The following CFAP61 variants were observed in gnomAD, a reference collection of about 807,000 sequenced individuals.
CFAP61 encodes cilia and flagella associated protein 61, also known as cilia- and flagella-associated protein 61.
Under a neutral mutation model 135.6 loss-of-function variants are expected in CFAP61, and 107 were observed. That is an observed-to-expected ratio of 0.79 (90% CI 0.67 to 0.93). The LOEUF (loss-of-function observed/expected upper bound fraction) is 0.93. CFAP61 is among the 40% of genes least tolerant of loss of function. The pLI is 0.00. For synonymous variants in CFAP61, 575 were observed against 578.5 expected (o/e 0.99, Z 0.09); for missense variants, 1,507 against 1,556.2 (o/e 0.97, Z 0.53).
At chr20:20,309,845 A>C (rs569534061) in intron 25 of CFAP61, among the ~76,000 whole-genome samples, 5,171 of 148,538 alleles carry the variant, frequency 0.035, 130 homozygotes, top group Middle Eastern at 0.072. Flanking sequence ...TAAAAAAAAA[A>C]CAGAAATCAT....
chr20:20,283,081 A>T (rs1016778736), intron 22 of CFAP61, among the ~76,000 whole-genome samples: 1 of 152,232 alleles, frequency 6.6e-6, no homozygotes, highest in Non-Finnish European at 1.5e-5. Flanking sequence ...GTGATGTTCG[A>T]CGCTCATAAG....
chr20:20,103,589 T>C (rs1330985868), intron 8 of CFAP61, among the ~76,000 whole-genome samples: 1 of 152,186 alleles, frequency 6.6e-6, no homozygotes, highest in African/African-American at 2.4e-5. Context: ...CTGAATGAGA[T>C]GTAAGATCCC....
chr20:20,189,428 C>T lies in CFAP61; in HGVS notation c.1512+1372C>T, dbSNP rs144411820. Among the ~76,000 whole-genome samples, 405 of 148,374 alleles carry T rather than the reference C, an allele frequency of 2.7e-3. 2 individuals are homozygous for T. The Middle Eastern group carries it at 0.059, about 22-fold the overall frequency. ...TCTGCAAGGTAAAAACTGTTTTATTCCTTTTCCACTGTGTTGAGATCTGTA... is the reference window on the plus strand; with the variant it reads ...TCTGCAAGGTAAAAACTGTTTTATTTCTTTTCCACTGTGTTGAGATCTGTA... On this transcript the variant is annotated intron_variant, in intron 14 of 26. Transcript: ENST00000245957.
rs571939563 is a variant in CFAP61, at chr20:20,337,081, G to A, written c.3423-4750G>A. Among the ~76,000 whole-genome samples, 4 of 152,376 alleles carry A rather than the reference G, an allele frequency of 2.6e-5. 1 individual carries two copies. The South Asian group carries it at 8.3e-4, about 32-fold the overall frequency. On this transcript the variant is annotated intron_variant, in intron 25 of 26. Transcript: ENST00000245957. The stretch of plus-strand genomic sequence containing the variant: ...AAGCTCTGAAGACACCTGGGACAGA[G>A]AAGAGAGGGAGAAAAGTTTACGTGG...
chr20:20,057,635 T>G (rs1461730868), intron 2 of CFAP61, among the ~76,000 whole-genome samples: 6 of 152,192 alleles, frequency 3.9e-5, no homozygotes, highest in Non-Finnish European at 8.8e-5. Flanking sequence ...TAAAAGATCT[T>G]TTTTCTCTCT....
At chr20:20,226,640 C>T (rs2048753273) in intron 17 of CFAP61, among the ~76,000 whole-genome samples, 1 of 152,210 alleles carries the variant, frequency 6.6e-6, no homozygotes, top group African/African-American at 2.4e-5. Context: ...TGGTTTCCCT[C>T]TTGGCATGAT....
At chr20:20,285,619 A>G (rs77081414) in intron 22 of CFAP61, among the ~76,000 whole-genome samples, 1 of 151,900 alleles carries the variant, frequency 6.6e-6, no homozygotes, top group Non-Finnish European at 1.5e-5. Flanking sequence ...CCCTTTTATA[A>G]AAAACCTCTA....
intron 12 of CFAP61, among the ~76,000 whole-genome samples, chr20:20,167,187 G>A (rs1474985430): frequency 1.3e-5 from 2 of 152,074 alleles, no homozygotes; most frequent in East Asian, 3.9e-4. Flanking sequence ...ACTTTTCCTG[G>A]ATACTGTTTC....
chr20:20,142,402 C>T (rs1472034206), intron 8 of CFAP61, among the ~76,000 whole-genome samples: 1 of 152,224 alleles, frequency 6.6e-6, no homozygotes, highest in Admixed American at 6.5e-5. Context: ...ACTGATGTAA[C>T]TCACTGTGGC....
intron 6 of CFAP61, chr20:20,085,549 A>G (rs531618783): frequency 5.1e-6 from 7 of 1,364,998 alleles, no homozygotes; most frequent in East Asian, 9.1e-5. Flanking sequence ...ATGATTATGG[A>G]TAACTTTGTT....
At chr20:20,154,513 CA>C (rs1363082744) in intron 9 of CFAP61, among the ~76,000 whole-genome samples, 6 of 152,020 alleles carry the variant, frequency 3.9e-5, no homozygotes, top group Non-Finnish European at 7.4e-5. Flanking sequence ...TCTCAGGTTA[CA>C]AAATCAATGT....
chr20:20,066,370 A>T (rs1358717540), intron 2 of CFAP61, among the ~76,000 whole-genome samples: 1 of 152,254 alleles, frequency 6.6e-6, no homozygotes, highest in Non-Finnish European at 1.5e-5. Context: ...ATAAAGACAC[A>T]TGCACACGTA....
intron 7 of CFAP61, among the ~76,000 whole-genome samples, chr20:20,093,682 C>T (rs1316303769): frequency 1.3e-5 from 2 of 151,942 alleles, no homozygotes; most frequent in Non-Finnish European, 2.9e-5. Flanking sequence ...TGATCTGCCT[C>T]CCAAAGTGTT....
intron 8 of CFAP61, among the ~76,000 whole-genome samples, chr20:20,099,260 A>G (rs963359186): frequency 2.0e-5 from 3 of 152,138 alleles, no homozygotes; most frequent in African/African-American, 4.8e-5. Context: ...TCTTTGACAA[A>G]TCATTATGTA....
chr20:20,202,007 G>A (rs1203529218), intron 17 of CFAP61, among the ~76,000 whole-genome samples: 1 of 148,702 alleles, frequency 6.7e-6, no homozygotes, highest in Non-Finnish European at 1.5e-5. Flanking sequence ...TTTCAGTTAG[G>A]TGACTTTGAG....
chr20:20,219,418 G>C (rs2048252889), intron 17 of CFAP61, among the ~76,000 whole-genome samples: 1 of 152,096 alleles, frequency 6.6e-6, no homozygotes, highest in Admixed American at 6.6e-5. Context: ...TGTTTCTATA[G>C]GAATAAGGGC....
intron 9 of CFAP61, among the ~76,000 whole-genome samples, chr20:20,151,241 A>G (rs1244008739): frequency 3.3e-5 from 5 of 152,122 alleles, no homozygotes; most frequent in Admixed American, 6.5e-5. Flanking sequence ...AGACACACTT[A>G]GAGAAATACA....
intron 8 of CFAP61, among the ~76,000 whole-genome samples, chr20:20,115,360 C>T (rs2049067227): frequency 1.4e-5 from 2 of 140,446 alleles, no homozygotes; most frequent in Admixed American, 1.4e-4. Context: ...ATAATATATT[C>T]ATATAATTTC....
chr20:20,229,966 T>G (rs917150557), intron 18 of CFAP61, among the ~76,000 whole-genome samples: 1 of 152,234 alleles, frequency 6.6e-6, no homozygotes, highest in African/African-American at 2.4e-5. Context: ...GAACAGCAAG[T>G]TTTATGCAAC....
Sources: gnomAD v4.1 joint callset for allele counts (sites outside exome capture counted in the v4.1 genomes callset) on GRCh38, gnomAD v4.1.1 for gene constraint, MANE v1.5 for transcripts, NCBI Gene and HGNC (gene_info 2026-07-23, HGNC 2026-07-21) for gene names.